CFAP54: variants seen among roughly 807,000 people sequenced by gnomAD.
CFAP54 encodes cilia and flagella associated protein 54.
In CFAP54, 290 loss-of-function variants were observed where a neutral mutation model predicts 370.4. The observed-to-expected ratio is 0.78, with a 90% CI of 0.71 to 0.86. The LOEUF (loss-of-function observed/expected upper bound fraction) is 0.86, where lower values mean the gene tolerates loss of function less well. Among genes scored for constraint, CFAP54 ranks in the 40% least tolerant of loss-of-function variants. The pLI is 0.00. For synonymous variants in CFAP54, 1,206 were observed against 1,236.5 expected (o/e 0.98, Z 0.52); for missense variants, 3,399 against 3,528.7 (o/e 0.96, Z 0.93).
intron 39 of CFAP54, among the ~76,000 whole-genome samples, chr12:96,670,106 G>C (rs1457287842): frequency 1.3e-5 from 2 of 152,168 alleles, no homozygotes; most frequent in Non-Finnish European, 2.9e-5. Flanking sequence ...AGCTTCCGTG[G>C]GTTGTTTCCA....
chr12:96,861,075 T>A, intron 67 of CFAP54, 123 bp downstream of exon 67: 1 of 681,214 alleles, frequency 1.5e-6, no homozygotes, highest in Non-Finnish European at 2.2e-6. Flanking sequence ...TCTTTAAAAT[T>A]ATTATTTTGA....
intron 36 of CFAP54, among the ~76,000 whole-genome samples, chr12:96,654,405 G>A (rs1202614325): frequency 6.6e-6 from 1 of 151,336 alleles, no homozygotes; most frequent in South Asian, 2.1e-4. Context: ...GGAGGCTGAG[G>A]CAGGAGAATG....
Position 96,736,638 on chromosome 12 carries a change from T to C in CFAP54, c.6966-3318T>C, listed in dbSNP as rs191091423. Among the ~76,000 whole-genome samples the C allele has an allele frequency of 1.9e-3, 291 of 152,326 alleles. 2 individuals carry two copies. The highest frequency in any genetic ancestry group is 6.6e-3 in the African/African-American group (274 of 41,566). On this transcript the variant is annotated intron_variant, in intron 50 of 67. Transcript: ENST00000524981. ...CTGTCAAAAATGGTCCAGACATCTT[T>C]AAAACTAAAAGGATTTTCAGTTATC...
intron 44 of CFAP54, among the ~76,000 whole-genome samples, chr12:96,691,617 T>C (rs958121277): frequency 3.3e-5 from 5 of 152,194 alleles, no homozygotes; most frequent in African/African-American, 9.6e-5. Context: ...AGAAATCTAG[T>C]GTACTTGTAA....
chr12:96,610,207 T>C (rs1476568073), intron 26 of CFAP54, among the ~76,000 whole-genome samples: 1 of 152,114 alleles, frequency 6.6e-6, no homozygotes, highest in African/African-American at 2.4e-5. Context: ...ATTGAGAAAA[T>C]GATAGTGTGT....
chr12:96,813,799 A>G (rs1256770434), intron 64 of CFAP54, among the ~76,000 whole-genome samples: 1 of 152,140 alleles, frequency 6.6e-6, no homozygotes, highest in Non-Finnish European at 1.5e-5. Context: ...GGCTGTGGGG[A>G]GCCCAGACGG....
chr12:96,752,712 C>G (rs930375283), intron 55 of CFAP54, among the ~76,000 whole-genome samples: 6 of 152,192 alleles, frequency 3.9e-5, no homozygotes, highest in African/African-American at 1.2e-4. Flanking sequence ...CCCGTGCTTT[C>G]TCTGCTACAC....
chr12:96,756,633 C>T (rs775914391), intron 57 of CFAP54, 70 bp downstream of exon 57: 31 of 995,302 alleles, frequency 3.1e-5, no homozygotes, highest in Non-Finnish European at 4.3e-5. Flanking sequence ...AGTACATTGA[C>T]CACTCAAGGC....
chr12:96,593,502 A>G (rs750013969), intron 24 of CFAP54, among the ~76,000 whole-genome samples: 2 of 152,124 alleles, frequency 1.3e-5, no homozygotes, highest in African/African-American at 2.4e-5. Flanking sequence ...AAGTACTCAC[A>G]ACCATCTCAA....
intron 63 of CFAP54, among the ~76,000 whole-genome samples, chr12:96,808,385 T>A (rs59920032): frequency 6.6e-6 from 1 of 152,060 alleles, no homozygotes; most frequent in African/African-American, 2.4e-5. Flanking sequence ...TGAACACATC[T>A]TCCAGCTTCC....
At chr12:96,502,624 C>T (rs866421279) in intron 2 of CFAP54, among the ~76,000 whole-genome samples, 1 of 152,082 alleles carries the variant, frequency 6.6e-6, no homozygotes, top group South Asian at 2.1e-4. Context: ...CAGTGTTTGA[C>T]TGAAGATGCC....
intron 66 of CFAP54, among the ~76,000 whole-genome samples, chr12:96,855,661 G>C (rs548543126): frequency 6.6e-6 from 1 of 152,230 alleles, no homozygotes; most frequent in Non-Finnish European, 1.5e-5. Context: ...CAAGAGGTGG[G>C]CCCCCACAGC....
chr12:96,574,109 T>C (rs894371559), intron 19 of CFAP54, among the ~76,000 whole-genome samples: 1 of 152,232 alleles, frequency 6.6e-6, no homozygotes, highest in Non-Finnish European at 1.5e-5. Flanking sequence ...TATGATGTTA[T>C]AGTTTTATAA....
At chr12:96,699,348 A>G (rs879943074) in intron 45 of CFAP54, among the ~76,000 whole-genome samples, 1 of 152,188 alleles carries the variant, frequency 6.6e-6, no homozygotes, top group Non-Finnish European at 1.5e-5. Flanking sequence ...CGCGTGAGAC[A>G]GCCTTAGATT....
At position 96,718,500 on chromosome 12, in the gene CFAP54, A is replaced by G; in HGVS notation, c.6782A>G (p.Glu2261Gly). ...SFYNLTKLKD[E>G]ITLSMLKSML... Reference sequence around the variant, plus strand: ...TATAATCTTACAAAACTTAAAGATGAGATCACTCTTAGCATGCTAAAGGTA... The same window carrying G: ...TATAATCTTACAAAACTTAAAGATGGGATCACTCTTAGCATGCTAAAGGTA... The change falls in exon 49 of 68, where the codon GAG (glutamate) becomes GGG (glycine). Residue 2261 changes from glutamate (E) to glycine (G), a missense_variant. Glu to Gly is a moderately conservative substitution (Grantham distance 98). Around this residue, in one of 3 missense-constraint regions of CFAP54, gnomAD observed 2,796 missense variants for 2,869.7 expected, o/e 0.97. Coordinates refer to ENST00000524981, the MANE Select transcript of CFAP54 (RefSeq NM_001306084.2). 1 of 1,572,156 alleles carries G rather than the reference A, an allele frequency of 6.4e-7. No homozygotes were observed. Among genetic ancestry groups the G allele is most frequent in the Non-Finnish European group, 8.7e-7 (1 of 1,142,930 alleles).
intron 22 of CFAP54, among the ~76,000 whole-genome samples, chr12:96,584,288 A>T (rs931888153): frequency 6.6e-6 from 1 of 152,070 alleles, no homozygotes; most frequent in African/African-American, 2.4e-5. Flanking sequence ...ACATGGCGAA[A>T]CCCTGTCTCT....
intron 66 of CFAP54, among the ~76,000 whole-genome samples, chr12:96,860,522 G>T (rs1359426353): frequency 5.9e-5 from 9 of 152,180 alleles, no homozygotes. Flanking sequence ...AATCTGTTAT[G>T]CAGGAAAGCG....
At chr12:96,673,975 A>G (rs1322421167) in intron 39 of CFAP54, among the ~76,000 whole-genome samples, 1 of 152,212 alleles carries the variant, frequency 6.6e-6, no homozygotes, top group Non-Finnish European at 1.5e-5. Flanking sequence ...ATATTCTTGT[A>G]TGGGTGAGTA....
At chr12:96,671,221 C>T (rs1289228372) in intron 39 of CFAP54, among the ~76,000 whole-genome samples, 2 of 152,190 alleles carry the variant, frequency 1.3e-5, no homozygotes, top group Non-Finnish European at 2.9e-5. Flanking sequence ...ATCCACTCGC[C>T]TTGGCCTCCC....
Sources: allele counts gnomAD v4.1 joint callset (sites outside exome capture counted in the v4.1 genomes callset), GRCh38; gene constraint gnomAD v4.1.1; regional missense constraint gnomAD v4.1.1; transcripts MANE v1.5; gene names NCBI Gene and HGNC (gene_info 2026-07-23, HGNC 2026-07-21).